Variants in FEZ1 observed in about 807,000 individuals in gnomAD.
FEZ1 encodes fasciculation and elongation protein zeta-1.
In FEZ1, 20 loss-of-function variants were observed where a neutral mutation model predicts 49.3. That is an observed-to-expected ratio of 0.41 (90% confidence interval 0.29 to 0.59). The LOEUF is 0.59. FEZ1 is among the 20% of genes least tolerant of loss of function. FEZ1 has a pLI of 0.36. For synonymous variants in FEZ1, 170 were observed against 180.9 expected (o/e 0.94, Z 0.48); for missense variants, 413 against 476.0 (o/e 0.87, Z 1.23).
At chr11:125,494,477 C>T (rs150197222) in intron 1 of FEZ1, among the ~76,000 whole-genome samples, 5 of 152,326 alleles carry the variant, frequency 3.3e-5, no homozygotes, top group African/African-American at 1.2e-4. Flanking sequence ...TGGGAGCCTT[C>T]TTTTCCTTAA....
chr11:125,478,775 G>C (rs1399042099), intron 3 of FEZ1, among the ~76,000 whole-genome samples: 1 of 152,188 alleles, frequency 6.6e-6, no homozygotes, highest in African/African-American at 2.4e-5. Flanking sequence ...GGGTCATTCA[G>C]TTTGCCCTGA....
intron 4 of FEZ1, among the ~76,000 whole-genome samples, chr11:125,462,675 CAGAA>C (rs1565535580): frequency 6.6e-6 from 1 of 152,292 alleles, no homozygotes; most frequent in South Asian, 2.1e-4. Flanking sequence ...CAACCTGAGG[CAGAA>C]AGAGAGATGA....
At position 125,443,987 on chromosome 11, in the gene FEZ1, C is replaced by T. The variant is rs1048641638; in HGVS notation, c.*2108G>A. ...AGCTCTCAGGAATTCACTGCTTCCC[C>T]TTTGCTGAGGCTGGTGAAAAACCCC... On this transcript the variant is annotated 3_prime_UTR_variant, in exon 10 of 10. Transcript: ENST00000278919. Among the ~76,000 whole-genome samples the T allele has an allele frequency of 3.3e-5, 5 of 152,214 alleles. No individual in the cohort carries two copies. The highest frequency in any genetic ancestry group is 1.2e-4 in the African/African-American group (5 of 41,442).
chr11:125,459,276 T>C (rs2135748594), intron 5 of FEZ1, among the ~76,000 whole-genome samples: 1 of 152,110 alleles, frequency 6.6e-6, no homozygotes, highest in East Asian at 1.9e-4. Context: ...CCCATCCTGG[T>C]TTAGTGCTTA....
chr11:125,481,722 G>T (rs1272709539), intron 2 of FEZ1, 89 bp from the exon 3 acceptor site: 2 of 899,454 alleles, frequency 2.2e-6, no homozygotes, highest in East Asian at 4.8e-5. Context: ...GAGGAGAGAG[G>T]CTTCTGTGTG....
At chr11:125,458,848 C>G (rs978406054) in intron 5 of FEZ1, among the ~76,000 whole-genome samples, 1 of 151,166 alleles carries the variant, frequency 6.6e-6, no homozygotes, top group African/African-American at 2.4e-5. Flanking sequence ...GCAGTCGGAT[C>G]ACGAGGTCAA....
intron 8 of FEZ1, among the ~76,000 whole-genome samples, chr11:125,450,660 GT>G (rs942791240): frequency 6.6e-6 from 1 of 151,972 alleles, no homozygotes; most frequent in African/African-American, 2.4e-5. Flanking sequence ...AAGATGGCAG[GT>G]TTTTTTTCTA....
At chr11:125,493,422 GAAGGAAAGAAGGAA>G (rs1565306979) in intron 1 of FEZ1, among the ~76,000 whole-genome samples, 15 of 37,624 alleles carry the variant, frequency 4.0e-4, no homozygotes, top group African/African-American at 2.2e-3. Flanking sequence ...AAGAAAGAAA[GAAGGAAAGAAGGAA>G]AGAAGGAAAG....
chr11:125,488,139 G>T (rs1957343713), intron 2 of FEZ1, among the ~76,000 whole-genome samples: 1 of 152,106 alleles, frequency 6.6e-6, no homozygotes, highest in South Asian at 2.1e-4. Context: ...GCTTTCCCAG[G>T]GCTCGGTTAT....
At position 125,444,552 on chromosome 11, in the gene FEZ1, T is replaced by C. The variant is rs12286802; in HGVS notation, c.*1543A>G. Among the ~76,000 whole-genome samples, 1,086 of 151,232 alleles carry C rather than the reference T, an allele frequency of 7.2e-3. 17 individuals are homozygous for C. The highest frequency in any genetic ancestry group is 0.024 in the African/African-American group (986 of 41,132). ...GCGAGCTGAGATAGCGCCATTGTAC[T>C]CCAGCCTGAGCAACAAGAGTCAAAC... On this transcript the variant is annotated 3_prime_UTR_variant, in exon 10 of 10. Coordinates refer to ENST00000278919, the MANE Select transcript of FEZ1 (RefSeq NM_005103.5).
intron 1 of FEZ1, among the ~76,000 whole-genome samples, chr11:125,493,357 GAGAGA>G (rs1408831083): frequency 0.033 from 3,436 of 104,352 alleles, 88 homozygotes; most frequent in Non-Finnish European, 0.039. Flanking sequence ...AAGAAAGAAA[GAGAGA>G]AAAGAAAGAA....
chr11:125,459,189 T>G (rs1957048917), intron 5 of FEZ1, among the ~76,000 whole-genome samples: 2 of 152,230 alleles, frequency 1.3e-5, no homozygotes. Flanking sequence ...TGGGTTCCAT[T>G]CATCCACTTA....
intron 2 of FEZ1, among the ~76,000 whole-genome samples, chr11:125,487,609 A>G (rs538891894): frequency 6.6e-6 from 1 of 152,220 alleles, no homozygotes; most frequent in Non-Finnish European, 1.5e-5. Flanking sequence ...CATAGCCCAC[A>G]GCTATAGTAC....
At chr11:125,474,031 CTT>C (rs949205848) in intron 3 of FEZ1, among the ~76,000 whole-genome samples, 2 of 144,418 alleles carry the variant, frequency 1.4e-5, no homozygotes. Flanking sequence ...TTTTCCTTTT[CTT>C]TTTTTTTTTG....
intron 2 of FEZ1, among the ~76,000 whole-genome samples, chr11:125,484,485 G>T (rs12288611): frequency 6.6e-6 from 1 of 152,276 alleles, no homozygotes; most frequent in African/African-American, 2.4e-5. Flanking sequence ...TCATAACCTA[G>T]GAGAGCAGTT....
chr11:125,454,254 C>A (rs377095690), intron 6 of FEZ1, 44 bp from the exon 7 acceptor site: 10 of 1,469,024 alleles, frequency 6.8e-6, no homozygotes, highest in African/African-American at 1.4e-5. Flanking sequence ...CTTCTTGCTA[C>A]ACTGTCACCA....
intron 1 of FEZ1, among the ~76,000 whole-genome samples, chr11:125,493,249 G>A (rs1957400016): frequency 6.6e-6 from 1 of 151,266 alleles, no homozygotes; most frequent in Non-Finnish European, 1.5e-5. Context: ...CAGGAGAATC[G>A]CTTGAGCCCA....
At chr11:125,456,338 G>A in intron 5 of FEZ1, 1 of 428,756 alleles carries the variant, frequency 2.3e-6, no homozygotes, top group Non-Finnish European at 4.1e-6. Context: ...GGAGGAAGAA[G>A]AAACAGCCCA....
At chr11:125,457,422 AAAAAAAAATAT>A (rs1303706158) in intron 5 of FEZ1, among the ~76,000 whole-genome samples, 385 of 38,446 alleles carry the variant, frequency 0.01, 2 homozygotes, top group African/African-American at 0.029. Flanking sequence ...AAAAAAAAAA[AAAAAAAAATAT>A]ATATATATAT....
Sources: gnomAD v4.1 joint callset for allele counts (sites outside exome capture counted in the v4.1 genomes callset) on GRCh38, gnomAD v4.1.1 for gene constraint, MANE v1.5 for transcripts, NCBI Gene and HGNC (gene_info 2026-07-23, HGNC 2026-07-21) for gene names.